PKP1: variants seen among roughly 807,000 people sequenced by gnomAD.
The protein encoded by PKP1 is plakophilin-1.
PKP1 carries 27 observed loss-of-function variants against 76.4 expected under a neutral mutation model. The ratio of observed to expected loss-of-function variants is 0.35; its 90% CI spans 0.26 to 0.49. The LOEUF (loss-of-function observed/expected upper bound fraction) is 0.49. Ranked by LOEUF, PKP1 falls within the 20% of genes least tolerant of loss-of-function variation. The probability of loss-of-function intolerance (pLI) is 0.99; values close to 1 mark genes in which losing one functional copy is unlikely to be tolerated. For missense variants in PKP1, 964 were observed against 955.2 expected (o/e 1.01, Z -0.12); for synonymous variants, 404 against 384.2 (o/e 1.05, Z -0.60).
chr1:201,313,557 C>T lies in PKP1; in HGVS notation c.698C>T (p.Ser233Phe), dbSNP rs1261229733. Residue 233 changes from serine (S) to phenylalanine (F), a missense_variant, in exon 3 of 14, where the codon TCC (serine) becomes TTC (phenylalanine). Coordinates refer to ENST00000367324, the MANE Select transcript of PKP1 (RefSeq NM_001005337.3). ...DLSFGHSRAS[S>F]KICSEDIECS... is the part of the protein sequence containing the mutation. Reference sequence around the variant, plus strand: ...TCCTTTGGCCACTCTAGGGCCAGCTCCAAGTGAGTGCTGCTGGGCTGGGTT... The same window carrying T: ...TCCTTTGGCCACTCTAGGGCCAGCTTCAAGTGAGTGCTGCTGGGCTGGGTT... The T allele has an allele frequency of 6.2e-7, 1 of 1,611,854 alleles. No individual in the cohort carries two copies. Among genetic ancestry groups the T allele is most frequent in the Admixed American group, 1.7e-5 (1 of 59,982 alleles).
intron 1 of PKP1, among the ~76,000 whole-genome samples, chr1:201,287,367 A>G (rs890944642): frequency 2.0e-5 from 3 of 152,062 alleles, no homozygotes; most frequent in African/African-American, 7.2e-5. Context: ...CCCCACTTTG[A>G]TGGCTTTTTG....
At chr1:201,314,219 G>A (rs1034506301) in intron 3 of PKP1, among the ~76,000 whole-genome samples, 1 of 152,212 alleles carries the variant, frequency 6.6e-6, no homozygotes, top group African/African-American at 2.4e-5. Context: ...TTGGGAGGCC[G>A]AGGCAGGAGC....
chr1:201,316,424 C>G, intron 3 of PKP1, 129 bp from the exon 4 acceptor site: 1 of 932,576 alleles, frequency 1.1e-6, no homozygotes, highest in Non-Finnish European at 1.6e-6. Context: ...TGGGCCTGGG[C>G]TGCCTTGTTC....
chr1:201,287,210 G>A (rs1213945015), intron 1 of PKP1, among the ~76,000 whole-genome samples: 106 of 152,186 alleles, frequency 7.0e-4, no homozygotes, highest in Non-Finnish European at 5.9e-5. Flanking sequence ...TCTGATCAGA[G>A]GTAGGGGCTG....
intron 2 of PKP1, among the ~76,000 whole-genome samples, chr1:201,304,649 G>T (rs1032760661): frequency 1.3e-5 from 2 of 152,234 alleles, no homozygotes; most frequent in Non-Finnish European, 2.9e-5. Flanking sequence ...TGGGGATGGG[G>T]TCTTCCAGGA....
intron 3 of PKP1, chr1:201,316,149 C>CGGACGGACGGACAGACGGAT (rs1558191684): frequency 8.1e-6 from 1 of 124,068 alleles, no homozygotes; most frequent in Non-Finnish European, 1.6e-5. Context: ...GATGGACGGA[C>CGGACGGACGGACAGACGGAT]GGATGGATGG....
chr1:201,323,233 C>T (rs1378456313), intron 9 of PKP1, 44 bp downstream of exon 9: 1 of 1,577,488 alleles, frequency 6.3e-7, no homozygotes, highest in East Asian at 2.2e-5. Context: ...CCCCATCCTC[C>T]AGCCACCGTC....
intron 1 of PKP1, among the ~76,000 whole-genome samples, chr1:201,287,436 G>C (rs1200102109): frequency 6.6e-6 from 1 of 152,196 alleles, no homozygotes; most frequent in Non-Finnish European, 1.5e-5. Flanking sequence ...GCTCATTAGA[G>C]TTTCTAGAAA....
rs1656614501 is a variant in PKP1, at chr1:201,313,198, C to A, written c.339C>A (p.Asp113Glu). ...ATGGAACCCTCAAGCGGGAGCCTGA[C>A]AACAGGCGCTTCAGCTCCTACAGCC... ...IYNGTLKREP[D>E]NRRFSSYSQM... is the part of the protein sequence containing the mutation. The change falls in exon 3 of 14, where the codon GAC becomes GAA. Residue 113 changes from aspartate to glutamate, a missense_variant. Coordinates refer to ENST00000367324, the MANE Select transcript of PKP1 (RefSeq NM_001005337.3). The A allele has an allele frequency of 6.2e-7, 1 of 1,607,714 alleles. No individual in the cohort carries two copies. Among genetic ancestry groups the A allele is most frequent in the African/African-American group, 1.3e-5 (1 of 74,818 alleles).
chr1:201,329,818 C>T (rs1657262393), intron 13 of PKP1, among the ~76,000 whole-genome samples: 2 of 152,236 alleles, frequency 1.3e-5, no homozygotes, highest in South Asian at 4.1e-4. Context: ...TTTGGCAAAT[C>T]CTTAATGAAC....
chr1:201,302,767 A>G (rs1439246668), intron 2 of PKP1, among the ~76,000 whole-genome samples: 4 of 149,080 alleles, frequency 2.7e-5, no homozygotes, highest in Admixed American at 2.7e-4. Flanking sequence ...TCCCGCCCCC[A>G]CAGCGTGCCC....
chr1:201,315,585 G>C (rs1201388409), intron 3 of PKP1, among the ~76,000 whole-genome samples: 1 of 152,268 alleles, frequency 6.6e-6, no homozygotes, highest in Non-Finnish European at 1.5e-5. Context: ...GACCTGGCCA[G>C]GGTACAGTGA....
Position 201,328,800 on chromosome 1 carries a change from G to A in PKP1, c.2145G>A (p.Gly715=). The change falls in exon 13 of 14, where the codon GGG becomes GGA. Residue 715 remains glycine, a synonymous_variant. Transcript: ENST00000367324. The part of the protein sequence containing the change: ...FDRNMLGTLA[G]ANSLRNFTSR... Reference sequence around the variant, plus strand: ...GGAACATGCTGGGAACCTTAGCTGGGGCCAACAGCCTCAGGAACTTCACCT... The same window carrying A: ...GGAACATGCTGGGAACCTTAGCTGGAGCCAACAGCCTCAGGAACTTCACCT... 6.2e-7 allele frequency: 1 copy of A among 1,614,114 alleles called. No individual in the cohort carries two copies. The highest frequency in any genetic ancestry group is 2.2e-5 in the East Asian group (1 of 44,884).
At chr1:201,308,621 C>T (rs2102168718) in intron 2 of PKP1, among the ~76,000 whole-genome samples, 1 of 152,130 alleles carries the variant, frequency 6.6e-6, no homozygotes, top group African/African-American at 2.4e-5. Context: ...GAAAAGCTGT[C>T]CAGGGTGGAG....
At chr1:201,307,489 G>C (rs1656404950) in intron 2 of PKP1, among the ~76,000 whole-genome samples, 1 of 152,154 alleles carries the variant, frequency 6.6e-6, no homozygotes, top group East Asian at 1.9e-4. Flanking sequence ...ACCCCTTTGG[G>C]AAGATTCTCG....
chr1:201,318,469 G>A, intron 5 of PKP1, 149 bp from the exon 6 acceptor site: 1 of 693,058 alleles, frequency 1.4e-6, no homozygotes, highest in African/African-American at 1.8e-5. Flanking sequence ...TCATGACACA[G>A]ACAGACAATA....
chr1:201,308,269 C>T (rs1656427195), intron 2 of PKP1, among the ~76,000 whole-genome samples: 1 of 152,254 alleles, frequency 6.6e-6, no homozygotes, highest in Admixed American at 6.5e-5. Flanking sequence ...GGTGCCTTCT[C>T]TCTCTTCTGT....
At chr1:201,314,957 T>A (rs1262094459) in intron 3 of PKP1, among the ~76,000 whole-genome samples, 2 of 152,254 alleles carry the variant, frequency 1.3e-5, no homozygotes, top group Non-Finnish European at 2.9e-5. Flanking sequence ...AGATGTTAAG[T>A]AGTTTGTCCA....
intron 2 of PKP1, among the ~76,000 whole-genome samples, chr1:201,295,966 A>G (rs1656057962): frequency 6.6e-6 from 1 of 152,106 alleles, no homozygotes; most frequent in Admixed American, 6.5e-5. Context: ...TCATCTCACT[A>G]GCTTTTAATG....
Sources: gnomAD v4.1 joint callset for allele counts (sites outside exome capture counted in the v4.1 genomes callset) on GRCh38, gnomAD v4.1.1 for gene constraint, MANE v1.5 for transcripts, NCBI Gene and HGNC (gene_info 2026-07-23, HGNC 2026-07-21) for gene names.